Variants in EXOC6B observed in about 807,000 individuals in gnomAD.
EXOC6B encodes the protein exocyst complex component 6B, also known as SEC15 homolog B.
A neutral mutation model predicts 113.5 loss-of-function variants in EXOC6B; 54 were observed. The ratio of observed to expected loss-of-function variants is 0.48; its 90% confidence interval spans 0.38 to 0.60. EXOC6B has a LOEUF of 0.60. Ranked by LOEUF, EXOC6B falls within the 20% of genes least tolerant of loss-of-function variation. EXOC6B has a pLI of 0.00. For missense variants in EXOC6B, 797 were observed against 977.5 expected, an observed-to-expected ratio of 0.82 and a Z score of 2.46; for synonymous variants, 357 against 339.0, an observed-to-expected ratio of 1.05 and a Z score of -0.58.
chr2:72,269,222 G>A (rs962359671), intron 20 of EXOC6B, among the ~76,000 whole-genome samples: 2 of 151,896 alleles, frequency 1.3e-5, no homozygotes, highest in African/African-American at 2.4e-5. Context: ...TAATTTTCAA[G>A]TCTGGACAGT....
chr2:72,822,725 G>A (rs527531462), intron 1 of EXOC6B, among the ~76,000 whole-genome samples: 10 of 152,236 alleles, frequency 6.6e-5, no homozygotes, highest in South Asian at 2.1e-4. Flanking sequence ...TTCTGTGTTC[G>A]TTAGTTTCTC....
intron 1 of EXOC6B, among the ~76,000 whole-genome samples, chr2:72,770,762 A>G (rs1435928241): frequency 1.3e-5 from 2 of 152,200 alleles, no homozygotes; most frequent in African/African-American, 2.4e-5. Context: ...AGAAGAGTAC[A>G]CAAGTTAAGT....
At chr2:72,350,819 A>G (rs1378784920) in intron 19 of EXOC6B, among the ~76,000 whole-genome samples, 1 of 152,216 alleles carries the variant, frequency 6.6e-6, no homozygotes, top group Non-Finnish European at 1.5e-5. Flanking sequence ...AAGCTACATA[A>G]GCAACTTCTT....
At chr2:72,581,171 T>A (rs1705197104) in intron 6 of EXOC6B, among the ~76,000 whole-genome samples, 2 of 152,140 alleles carry the variant, frequency 1.3e-5, no homozygotes, top group African/African-American at 2.4e-5. Flanking sequence ...ATAGGAAGAA[T>A]CCAAAGATGC....
chr2:72,337,342 T>C (rs1688747838), intron 19 of EXOC6B, among the ~76,000 whole-genome samples: 1 of 152,144 alleles, frequency 6.6e-6, no homozygotes, highest in African/African-American at 2.4e-5. Context: ...CTGTATCACT[T>C]GAAGCATCTG....
intron 19 of EXOC6B, among the ~76,000 whole-genome samples, chr2:72,361,712 T>G (rs1260410687): frequency 6.6e-6 from 1 of 152,190 alleles, no homozygotes; most frequent in Non-Finnish European, 1.5e-5. Context: ...AGCAAGCCTA[T>G]TAAGGACTGC....
chr2:72,223,506 T>C (rs1025114020), intron 20 of EXOC6B, among the ~76,000 whole-genome samples: 1 of 152,208 alleles, frequency 6.6e-6, no homozygotes, highest in African/African-American at 2.4e-5. Context: ...CCAAGCATCC[T>C]TGTATAGTTT....
chr2:72,781,726 G>A (rs1684048483), intron 1 of EXOC6B, among the ~76,000 whole-genome samples: 1 of 152,016 alleles, frequency 6.6e-6, no homozygotes, highest in Admixed American at 6.6e-5. Context: ...ACTTCTACTT[G>A]GAAGTGACTC....
intron 20 of EXOC6B, chr2:72,289,155 CA>C (rs376364816): frequency 0.023 from 4,085 of 178,180 alleles, 1 homozygote; most frequent in South Asian, 0.048. Context: ...GCTCATGGGC[CA>C]AAAAAAAAAA....
intron 8 of EXOC6B, among the ~76,000 whole-genome samples, chr2:72,536,323 T>C (rs1171555295): frequency 6.6e-6 from 1 of 152,190 alleles, no homozygotes; most frequent in East Asian, 1.9e-4. Flanking sequence ...ATAAATGAGA[T>C]TGTACTGTCA....
In EXOC6B at chr2:72,501,083, C is replaced by G. The variant is rs77983352; in HGVS notation, c.1168-1111G>C. Reference sequence around the variant, plus strand: ...CCTTCTTTATTTTCAATCTTTTCAGCTAATCTTAATATATGAATATCTCCT... The same window carrying G: ...CCTTCTTTATTTTCAATCTTTTCAGGTAATCTTAATATATGAATATCTCCT... On this transcript the variant is annotated intron_variant, in intron 11 of 21. Coordinates refer to ENST00000272427, the MANE Select transcript of EXOC6B (RefSeq NM_015189.3). 1.8e-3 allele frequency among the ~76,000 whole-genome samples: 275 copies of G among 152,226 alleles called. 6 individuals are homozygous for G. The East Asian group carries it at 0.04, about 22-fold the overall frequency.
chr2:72,664,669 C>T (rs530227880), intron 6 of EXOC6B, among the ~76,000 whole-genome samples: 2 of 152,334 alleles, frequency 1.3e-5, no homozygotes, highest in South Asian at 2.1e-4. Flanking sequence ...ATCACTAAGC[C>T]AAGAGACAGC....
At chr2:72,751,374 TATC>T (rs1323776638) in intron 1 of EXOC6B, among the ~76,000 whole-genome samples, 2 of 152,062 alleles carry the variant, frequency 1.3e-5, no homozygotes, top group East Asian at 3.9e-4. Flanking sequence ...AAAGAGTTAT[TATC>T]AGTAGAAAGG....
intron 6 of EXOC6B, among the ~76,000 whole-genome samples, chr2:72,602,022 G>A (rs749475462): frequency 6.6e-6 from 1 of 152,284 alleles, no homozygotes; most frequent in Admixed American, 6.5e-5. Context: ...GGAGAAAGGA[G>A]GAGGAATGAA....
intron 1 of EXOC6B, among the ~76,000 whole-genome samples, chr2:72,790,086 AG>A (rs1344660641): frequency 6.6e-6 from 1 of 152,230 alleles, no homozygotes; most frequent in African/African-American, 2.4e-5. Flanking sequence ...ACTAGGAAAA[AG>A]AATTCCCATC....
chr2:72,519,872 G>C (rs1701399449), intron 8 of EXOC6B, among the ~76,000 whole-genome samples: 3 of 152,030 alleles, frequency 2.0e-5, no homozygotes, highest in African/African-American at 7.2e-5. Flanking sequence ...TTAGAGAAAG[G>C]GCTCTAAGAA....
chr2:72,799,396 C>T (rs1419891699), intron 1 of EXOC6B, among the ~76,000 whole-genome samples: 1 of 151,790 alleles, frequency 6.6e-6, no homozygotes, highest in African/African-American at 2.4e-5. Context: ...ATAGCAAAAC[C>T]CCACCTCTAT....
intron 19 of EXOC6B, among the ~76,000 whole-genome samples, chr2:72,344,494 T>C (rs374985497): frequency 6.6e-6 from 1 of 152,170 alleles, no homozygotes. Flanking sequence ...CCTGTTTCTT[T>C]GTATTCCTTG....
chr2:72,542,285 A>G (rs1056949228), intron 8 of EXOC6B, among the ~76,000 whole-genome samples: 22 of 152,176 alleles, frequency 1.4e-4, no homozygotes, highest in African/African-American at 5.3e-4. Flanking sequence ...TCTGAAGTAA[A>G]AAAAAAATGA....
Sources: allele counts gnomAD v4.1 joint callset (sites outside exome capture counted in the v4.1 genomes callset), GRCh38; gene constraint gnomAD v4.1.1; transcripts MANE v1.5; gene names NCBI Gene and HGNC (gene_info 2026-07-23, HGNC 2026-07-21).